CALN1: variants seen among roughly 807,000 people sequenced by gnomAD.
The protein encoded by CALN1 is calneuron 1.
CALN1 carries 17 observed loss-of-function variants against 30.6 expected under a neutral mutation model. The observed-to-expected ratio is 0.56, with a 90% confidence interval of 0.38 to 0.83. CALN1 has a LOEUF of 0.83. Among genes scored for constraint, CALN1 ranks in the 40% least tolerant of loss-of-function variants. The probability of loss-of-function intolerance (pLI) is 0.00; values close to 1 mark genes in which losing one functional copy is unlikely to be tolerated. For synonymous variants in CALN1, 156 were observed against 131.4 expected, an observed-to-expected ratio of 1.19 and a Z score of -1.28; for missense variants, 291 against 354.9, an observed-to-expected ratio of 0.82 and a Z score of 1.45.
intron 2 of CALN1, among the ~76,000 whole-genome samples, chr7:72,339,397 C>T (rs1233447221): frequency 6.6e-6 from 1 of 152,134 alleles, no homozygotes; most frequent in Non-Finnish European, 1.5e-5. Context: ...ACAGGTACCA[C>T]TCTTAAGGAC....
intron 4 of CALN1, among the ~76,000 whole-genome samples, chr7:72,098,762 G>GCACACACACACACACACACA (rs1491515765): frequency 2.6e-5 from 3 of 115,294 alleles, no homozygotes; most frequent in African/African-American, 1.0e-4. Flanking sequence ...CCCATTTGGC[G>GCACACACACACACACACACA]CGCACACACA....
chr7:72,288,419 ACAT>A (rs1230426602), intron 2 of CALN1, among the ~76,000 whole-genome samples: 1 of 152,168 alleles, frequency 6.6e-6, no homozygotes, highest in African/African-American at 2.4e-5. Context: ...TGGAAATCAC[ACAT>A]CATCACTTCT....
intron 4 of CALN1, among the ~76,000 whole-genome samples, chr7:72,060,055 C>T (rs542108280): frequency 7.9e-5 from 12 of 152,194 alleles, no homozygotes; most frequent in East Asian, 3.9e-4. Flanking sequence ...CTAAAGACCC[C>T]GGGCAGTGGG....
chr7:72,071,613 A>G (rs981351027), intron 4 of CALN1, among the ~76,000 whole-genome samples: 25 of 152,340 alleles, frequency 1.6e-4, no homozygotes, highest in African/African-American at 6.0e-4. Context: ...TATGACAATT[A>G]AAAAACAAAC....
intron 5 of CALN1, among the ~76,000 whole-genome samples, chr7:71,856,082 A>T (rs909659223): frequency 9.2e-5 from 14 of 151,908 alleles, no homozygotes; most frequent in African/African-American, 3.1e-4. Context: ...ATATGAATAT[A>T]TTAAAGATAT....
At chr7:72,430,998 C>A (rs1807956683) in intron 1 of CALN1, among the ~76,000 whole-genome samples, 1 of 138,242 alleles carries the variant, frequency 7.2e-6, no homozygotes, top group South Asian at 2.3e-4. Context: ...GATGGAGTCT[C>A]GGCTCACTGC....
intron 3 of CALN1, among the ~76,000 whole-genome samples, chr7:72,239,289 G>A (rs886624493): frequency 3.3e-5 from 5 of 152,004 alleles, no homozygotes; most frequent in East Asian, 1.9e-4. Context: ...TCTCAGCTAC[G>A]CAGGAGGCTG....
intron 2 of CALN1, among the ~76,000 whole-genome samples, chr7:72,336,508 C>T (rs1270601903): frequency 6.6e-6 from 1 of 152,106 alleles, no homozygotes; most frequent in Non-Finnish European, 1.5e-5. Context: ...GCGCGGCCCC[C>T]AGCCCGCGGG....
intron 5 of CALN1, among the ~76,000 whole-genome samples, chr7:71,841,980 C>T (rs1466293231): frequency 6.6e-6 from 1 of 150,736 alleles, no homozygotes; most frequent in Non-Finnish European, 1.5e-5. Context: ...CAAACCTGTA[C>T]ATGTACCTCC....
chr7:72,487,920 AGG>A, the CALN1 span, among the ~76,000 whole-genome samples: 35 of 77,762 alleles, frequency 4.5e-4, no homozygotes, highest in Middle Eastern at 5.7e-3. Context: ...GAAAGAAAGA[AGG>A]AAGGAAGGAA....
At chr7:72,330,223 G>A (rs1271124931) in intron 2 of CALN1, among the ~76,000 whole-genome samples, 4 of 152,058 alleles carry the variant, frequency 2.6e-5, no homozygotes, top group African/African-American at 7.2e-5. Flanking sequence ...AACCTCAGAG[G>A]TGGAGGGTGC....
At position 72,336,858 on chromosome 7, in the gene CALN1, G is replaced by A. The variant is rs960968044; in HGVS notation, c.120-58048C>T. On this transcript the variant is annotated intron_variant, in intron 2 of 6. Coordinates refer to ENST00000395275, the MANE Select transcript of CALN1 (RefSeq NM_031468.4). ...TCGCTCACACCCCCAGCAGGCAGCCGCGTCCCCGTGCCGGCATCCTCGCTG... is the reference window on the plus strand; with the variant it reads ...TCGCTCACACCCCCAGCAGGCAGCCACGTCCCCGTGCCGGCATCCTCGCTG... 3.2e-5 allele frequency: 32 copies of A among 984,914 alleles called. 1 individual carries two copies. The highest frequency in any genetic ancestry group is 1.1e-4 in the East Asian group (1 of 8,720). 61.0% of individuals were successfully genotyped at this position (984,914 alleles called of 1,614,324 possible). A position where few individuals can be genotyped will look rare whatever the true frequency, so the allele number is the denominator to read the frequency against.
intron 3 of CALN1, among the ~76,000 whole-genome samples, chr7:72,262,417 T>C (rs1490251692): frequency 6.6e-6 from 1 of 152,156 alleles, no homozygotes; most frequent in Non-Finnish European, 1.5e-5. Flanking sequence ...TATTGCATGA[T>C]GCTGAGGTTT....
At chr7:72,153,156 G>A (rs1447127404) in intron 3 of CALN1, among the ~76,000 whole-genome samples, 2 of 152,178 alleles carry the variant, frequency 1.3e-5, no homozygotes, top group Non-Finnish European at 2.9e-5. Context: ...GTTCCAAGAA[G>A]AGTATTTAAG....
intron 5 of CALN1, among the ~76,000 whole-genome samples, chr7:71,847,747 AAGAAAGAAG>A (rs1790368435): frequency 1.6e-5 from 2 of 126,008 alleles, no homozygotes; most frequent in Admixed American, 8.6e-5. Context: ...AAGAAAGAAG[AAGAAAGAAG>A]AAAGAAGAAG....
At chr7:72,012,075 A>C (rs1800114395) in intron 5 of CALN1, among the ~76,000 whole-genome samples, 1 of 152,186 alleles carries the variant, frequency 6.6e-6, no homozygotes, top group South Asian at 2.1e-4. Flanking sequence ...GTTCTATGGA[A>C]CAGAGATATG....
At chr7:72,183,392 C>T (rs1789956064) in intron 3 of CALN1, among the ~76,000 whole-genome samples, 1 of 151,938 alleles carries the variant, frequency 6.6e-6, no homozygotes, top group South Asian at 2.1e-4. Context: ...TCTACAGTGG[C>T]GGAGATGAAA....
At chr7:72,457,757 CTT>C in the CALN1 span, among the ~76,000 whole-genome samples, 57 of 135,594 alleles carry the variant, frequency 4.2e-4, no homozygotes, top group Non-Finnish European at 4.2e-4. Flanking sequence ...CCTTCTTATT[CTT>C]TTTTTTTTTT....
At chr7:72,056,820 T>C (rs1803285930) in intron 4 of CALN1, among the ~76,000 whole-genome samples, 2 of 152,072 alleles carry the variant, frequency 1.3e-5, no homozygotes, top group Non-Finnish European at 2.9e-5. Context: ...CAAACACAAA[T>C]ATTAAACATG....
Sources: allele counts gnomAD v4.1 joint callset (sites outside exome capture counted in the v4.1 genomes callset), GRCh38; gene constraint gnomAD v4.1.1; transcripts MANE v1.5; gene names NCBI Gene and HGNC (gene_info 2026-07-23, HGNC 2026-07-21).